Variants in SLC36A2 observed in about 807,000 individuals in gnomAD.
SLC36A2 encodes the protein solute carrier family 36 member 2, also known as proton-coupled amino acid transporter 2.
SLC36A2 carries 39 observed loss-of-function variants against 42.7 expected under a neutral mutation model. The observed-to-expected ratio is 0.91, with a 90% CI of 0.71 to 1.19. The LOEUF is 1.19. Among genes scored for constraint, SLC36A2 ranks in the 50% most tolerant of loss-of-function variants. The pLI is 0.00. For missense variants in SLC36A2, 590 were observed against 613.7 expected (o/e 0.96, Z 0.41); for synonymous variants, 237 against 240.8 (o/e 0.98, Z 0.15).
chr5:151,326,812 CTTT>C (rs5872202), intron 7 of SLC36A2, among the ~76,000 whole-genome samples: 3 of 142,282 alleles, frequency 2.1e-5, no homozygotes, highest in Non-Finnish European at 4.5e-5. Flanking sequence ...ATGAATTTAC[CTTT>C]TTTTTTTTTT....
intron 9 of SLC36A2, among the ~76,000 whole-genome samples, chr5:151,321,273 T>G (rs181954093): frequency 1.5e-3 from 228 of 151,602 alleles, no homozygotes; most frequent in Non-Finnish European, 1.5e-3. Context: ...CAAGCAATCT[T>G]CCCACCCTAG....
chr5:151,338,401 G>A (rs1350800845), intron 5 of SLC36A2, among the ~76,000 whole-genome samples: 1 of 142,062 alleles, frequency 7.0e-6, no homozygotes, highest in Non-Finnish European at 1.5e-5. Flanking sequence ...CCCAAGGCTG[G>A]ATGTGGTGGC....
rs151119796 is a variant in SLC36A2, at chr5:151,318,630, T to A, written c.1181-1542A>T. Among the ~76,000 whole-genome samples, 1,003 of 147,368 alleles carry A rather than the reference T, an allele frequency of 6.8e-3. 56 individuals are homozygous for A. In the East Asian group the frequency reaches 0.13, roughly 20 times the overall value. On this transcript the variant is annotated intron_variant, in intron 9 of 9. Coordinates refer to ENST00000335244, the MANE Select transcript of SLC36A2 (RefSeq NM_181776.3). Reference sequence around the variant, plus strand: ...ATATAAATAATATAAATAAATAAATTATTTTTTAAAATGCCTAGAATTTTA... The same window carrying A: ...ATATAAATAATATAAATAAATAAATAATTTTTTAAAATGCCTAGAATTTTA...
At chr5:151,336,136 G>C (rs182470924) in intron 5 of SLC36A2, among the ~76,000 whole-genome samples, 15 of 152,250 alleles carry the variant, frequency 9.9e-5, no homozygotes, top group African/African-American at 3.6e-4. Flanking sequence ...TTTGATTTTG[G>C]TGAGTTCTTT....
chr5:151,327,730 CT>C (rs1243900692), intron 7 of SLC36A2, among the ~76,000 whole-genome samples: 3 of 152,220 alleles, frequency 2.0e-5, no homozygotes, highest in Non-Finnish European at 2.9e-5. Context: ...CCTGCTCAGA[CT>C]GGGTAGCTGG....
Position 151,343,590 on chromosome 5 carries a change from T to C in SLC36A2, c.264A>G (p.Pro88=). The C allele has an allele frequency of 1.2e-6, 2 of 1,613,842 alleles. No homozygotes were observed. The highest frequency in any genetic ancestry group is 1.7e-6 in the Non-Finnish European group (2 of 1,179,948). The change falls in exon 3 of 10, where the codon CCA becomes CCG. Residue 88 remains proline (P), a synonymous_variant. Coordinates refer to ENST00000335244, the MANE Select transcript of SLC36A2 (RefSeq NM_181776.3). ...TGAAGCCCATCACCAGCAGACTGAG[T>C]GGGCCCATCTGGAGGAAGGGGAGGC... is the stretch of plus-strand genomic sequence containing the variant. The part of the protein sequence containing the change: ...AVKNAGILMG[P]LSLLVMGFIA...
intron 4 of SLC36A2, among the ~76,000 whole-genome samples, chr5:151,340,069 AAAG>A (rs1447766486): frequency 6.6e-5 from 10 of 151,892 alleles, no homozygotes; most frequent in Non-Finnish European, 5.9e-5. Flanking sequence ...AGAGAGAGAA[AAAG>A]AAGAAAAAGG....
At chr5:151,343,369 T>C in intron 3 of SLC36A2, 141 bp downstream of exon 3, 1 of 862,606 alleles carries the variant, frequency 1.2e-6, no homozygotes, top group Non-Finnish European at 2.0e-6. Flanking sequence ...CTGAGCTCCC[T>C]GCCCCTGAAT....
chr5:151,329,772 TA>T (rs1292646054), intron 7 of SLC36A2, among the ~76,000 whole-genome samples: 3 of 152,136 alleles, frequency 2.0e-5, no homozygotes, highest in African/African-American at 4.8e-5. Context: ...GAGATTTTTT[TA>T]AAAAAATGAA....
At chr5:151,328,173 A>G (rs891355586) in intron 7 of SLC36A2, among the ~76,000 whole-genome samples, 4 of 152,206 alleles carry the variant, frequency 2.6e-5, no homozygotes, top group African/African-American at 7.2e-5. Context: ...CAAATTCTAA[A>G]AACAAAGTGC....
intron 5 of SLC36A2, 172 bp downstream of exon 5, chr5:151,338,888 C>A (rs1275423187): frequency 8.6e-6 from 5 of 584,614 alleles, no homozygotes; most frequent in Non-Finnish European, 1.6e-5. Context: ...CAAAAGTAAC[C>A]ACACAGAGAT....
chr5:151,328,843 C>G (rs1755918572), intron 7 of SLC36A2, among the ~76,000 whole-genome samples: 1 of 152,210 alleles, frequency 6.6e-6, no homozygotes, highest in South Asian at 2.1e-4. Flanking sequence ...CCCTATGTGG[C>G]TGCATGATTT....
In SLC36A2 at chr5:151,317,091, G is replaced by T; in HGVS notation, c.1181-3C>A. 6.2e-7 allele frequency: 1 copy of T among 1,613,902 alleles called. No homozygotes were observed. The highest frequency in any genetic ancestry group is 8.5e-7 in the Non-Finnish European group (1 of 1,179,910). On this transcript the variant is annotated splice_polypyrimidine_tract_variant and splice_region_variant and intron_variant, in intron 9 of 9. Transcript: ENST00000335244. The stretch of plus-strand genomic sequence containing the variant: ...GGGGATGAGGATGGCCAGGAGGCCT[G>T]CAGGGAGAGGATAGTGGAGAGATGG...
In SLC36A2 at chr5:151,335,521, G is replaced by C. The variant is rs764207021; in HGVS notation, c.552C>G (p.Thr184=). The change falls in exon 6 of 10, where the codon ACC becomes ACG. Residue 184 remains threonine, a synonymous_variant. Coordinates refer to ENST00000335244, the MANE Select transcript of SLC36A2 (RefSeq NM_181776.3). ...CCGTCTCATTGGAATAGCAGTTGTT[G>C]GTTGTGCTATTAACAGCTTCCACTA... The part of the protein sequence containing the change: ...KQVVEAVNST[T]NNCYSNETVI... The C allele has an allele frequency of 4.8e-5, 77 of 1,613,884 alleles. No individual in the cohort carries two copies. The highest frequency in any genetic ancestry group is 6.3e-5 in the Non-Finnish European group (74 of 1,179,920).
chr5:151,335,030 A>G (rs1756109711), intron 6 of SLC36A2, among the ~76,000 whole-genome samples: 1 of 152,082 alleles, frequency 6.6e-6, no homozygotes, highest in Non-Finnish European at 1.5e-5. Flanking sequence ...CCAGCCAACC[A>G]TTATAGGAAT....
At chr5:151,335,005 G>A (rs1002758457) in intron 6 of SLC36A2, among the ~76,000 whole-genome samples, 3 of 151,770 alleles carry the variant, frequency 2.0e-5, no homozygotes, top group Admixed American at 1.3e-4. Context: ...ATCTGTTTTC[G>A]CCTGCCTTTT....
In SLC36A2 at chr5:151,322,170, G is replaced by C; in HGVS notation, c.1056C>G (p.Cys352Trp). 1 of 1,614,172 alleles carries C rather than the reference G, an allele frequency of 6.2e-7. No homozygotes were observed. The highest frequency in any genetic ancestry group is 8.5e-7 in the Non-Finnish European group (1 of 1,180,022). ...VKLLYIAGILCTYALQFYVPA... is the reference protein window; with the variant it reads ...VKLLYIAGILWTYALQFYVPA... Reference sequence around the variant, plus strand: ...GGACGTAGAACTGCAGGGCATAGGTGCACAGGATGCCGGCAATGTAGAGAA... The same window carrying C: ...GGACGTAGAACTGCAGGGCATAGGTCCACAGGATGCCGGCAATGTAGAGAA... The change falls in exon 9 of 10, where the codon TGC becomes TGG. Residue 352 changes from cysteine (C) to tryptophan (W), a missense_variant. Coordinates refer to ENST00000335244, the MANE Select transcript of SLC36A2 (RefSeq NM_181776.3).
rs764448799 is a variant in SLC36A2 at position 151,342,999 on chromosome 5, C to T, written c.345-16G>A. The T allele has an allele frequency of 4.4e-6, 7 of 1,602,242 alleles. No individual in the cohort carries two copies. The highest frequency in any genetic ancestry group is 2.2e-5 in the South Asian group (2 of 90,804). On this transcript the variant is annotated splice_polypyrimidine_tract_variant and intron_variant, in intron 3 of 9. Coordinates refer to ENST00000335244, the MANE Select transcript of SLC36A2 (RefSeq NM_181776.3). ...CTTGTTAAGCCTGCAGGAGAGAGTG[C>T]ATAAACGGTTTCCAAGAGATAGTTT...
chr5:151,342,473 G>A (rs1193079217), intron 4 of SLC36A2, among the ~76,000 whole-genome samples: 1 of 152,090 alleles, frequency 6.6e-6, no homozygotes, highest in Non-Finnish European at 1.5e-5. Flanking sequence ...AACCTGCCTG[G>A]TGGCAACCAG....
Sources: allele counts gnomAD v4.1 joint callset (sites outside exome capture counted in the v4.1 genomes callset), GRCh38; gene constraint gnomAD v4.1.1; transcripts MANE v1.5; gene names NCBI Gene and HGNC (gene_info 2026-07-23, HGNC 2026-07-21).